The following IFT80 variants were observed in gnomAD, a reference collection of about 807,000 sequenced individuals.
IFT80 encodes intraflagellar transport 80.
A neutral mutation model predicts 107.9 loss-of-function variants in IFT80; 79 were observed. The ratio of observed to expected loss-of-function variants is 0.73; its 90% CI spans 0.61 to 0.88. The LOEUF is 0.88. IFT80 is among the 40% of genes least tolerant of loss of function. The pLI is 0.00. For missense variants in IFT80, 797 were observed against 914.2 expected, an observed-to-expected ratio of 0.87 and a Z score of 1.65; for synonymous variants, 299 against 300.9, an observed-to-expected ratio of 0.99 and a Z score of 0.07.
intron 19 of IFT80, among the ~76,000 whole-genome samples, chr3:160,262,991 A>C (rs1344211990): frequency 6.6e-6 from 1 of 152,056 alleles, no homozygotes; most frequent in Non-Finnish European, 1.5e-5. Context: ...TTTTGTGTTC[A>C]TATTTATATT....
At chr3:160,365,998 A>C (rs746623503) in intron 6 of IFT80, 45 bp downstream of exon 6, 1 of 1,416,930 alleles carries the variant, frequency 7.1e-7, no homozygotes, top group Admixed American at 1.7e-5. Flanking sequence ...CTAGTTTAGC[A>C]GTCAGGCAGA....
intron 18 of IFT80, among the ~76,000 whole-genome samples, chr3:160,271,187 T>A (rs1052569103): frequency 6.6e-6 from 1 of 152,134 alleles, no homozygotes; most frequent in Admixed American, 6.5e-5. Context: ...GGTAAAAAAA[T>A]GTTTCTTCTC....
At chr3:160,352,389 A>C (rs1386245295) in intron 8 of IFT80, among the ~76,000 whole-genome samples, 1 of 152,202 alleles carries the variant, frequency 6.6e-6, no homozygotes, top group African/African-American at 2.4e-5. Context: ...CTATTATACT[A>C]TTCTTTTTTG....
At chr3:160,303,804 T>C (rs947006608) in intron 11 of IFT80, 111 bp downstream of exon 11, 3 of 685,026 alleles carry the variant, frequency 4.4e-6, no homozygotes, top group South Asian at 3.4e-5. Flanking sequence ...TAGAAACAGA[T>C]TGGTTCTAAA....
chr3:160,383,641 C>T (rs1559972621), intron 2 of IFT80: 1 of 981,142 alleles, frequency 1.0e-6, no homozygotes. Context: ...TTTACCTATT[C>T]TTTCACAGAC....
chr3:160,390,144 A>C (rs750237548), intron 1 of IFT80, among the ~76,000 whole-genome samples: 125 of 152,244 alleles, frequency 8.2e-4, no homozygotes, highest in Non-Finnish European at 1.4e-3. Context: ...AGGGACAGGC[A>C]TGGTGGCTCA....
chr3:160,364,676 T>C (rs561181870), intron 6 of IFT80, among the ~76,000 whole-genome samples: 14 of 152,162 alleles, frequency 9.2e-5, no homozygotes, highest in African/African-American at 3.4e-4. Context: ...GCAGCCATAA[T>C]ACAGGATGAG....
intron 12 of IFT80, among the ~76,000 whole-genome samples, chr3:160,294,027 T>C (rs1026222960): frequency 1.3e-5 from 2 of 152,140 alleles, no homozygotes; most frequent in African/African-American, 2.4e-5. Context: ...TTTAATAAAA[T>C]TGTAATCATA....
intron 12 of IFT80, among the ~76,000 whole-genome samples, chr3:160,295,471 G>A (rs1265371928): frequency 6.6e-6 from 1 of 152,042 alleles, no homozygotes; most frequent in Admixed American, 6.6e-5. Flanking sequence ...TGGACATAGA[G>A]GTGCCTGCCT....
intron 8 of IFT80, among the ~76,000 whole-genome samples, chr3:160,333,149 T>C (rs948609995): frequency 6.6e-6 from 1 of 152,142 alleles, no homozygotes; most frequent in Admixed American, 6.5e-5. Context: ...AAAGGTATAA[T>C]AAAATACATC....
At chr3:160,304,435 C>CTTTTTTTT (rs869204306) in intron 10 of IFT80, among the ~76,000 whole-genome samples, 4 of 129,160 alleles carry the variant, frequency 3.1e-5, no homozygotes, top group East Asian at 2.2e-4. Flanking sequence ...TTGATTTTTT[C>CTTTTTTTT]TTTTTTTTTT....
In IFT80 at chr3:160,258,452, C is replaced by T. The variant is rs1712528629; in HGVS notation, c.*73G>A. 4.4e-6 allele frequency: 7 copies of T among 1,596,340 alleles called. No homozygotes were observed. The highest frequency in any genetic ancestry group is 4.5e-5 in the East Asian group (2 of 44,682). ...AAGATTATGCTTTTTTCTTTAGCAA[C>T]CAAAACATGCTTACCCTTGGTTAAT... On this transcript the variant is annotated 3_prime_UTR_variant, in exon 20 of 20. Transcript: ENST00000326448.
intron 8 of IFT80, among the ~76,000 whole-genome samples, chr3:160,338,515 C>T (rs1719654957): frequency 6.6e-6 from 1 of 151,934 alleles, no homozygotes; most frequent in Non-Finnish European, 1.5e-5. Flanking sequence ...GCCTGTATTC[C>T]CAGCTACTCA....
intron 1 of IFT80, chr3:160,394,426 T>C (rs1185744019): frequency 2.0e-5 from 3 of 152,218 alleles, no homozygotes; most frequent in African/African-American, 7.2e-5. Flanking sequence ...GATCGTGGGT[T>C]GGACAACCAT....
At chr3:160,287,586 G>C (rs1480369907) in intron 12 of IFT80, among the ~76,000 whole-genome samples, 5 of 152,196 alleles carry the variant, frequency 3.3e-5, no homozygotes, top group Non-Finnish European at 5.9e-5. Flanking sequence ...GTCACCCAGG[G>C]TATGAAACAC....
intron 6 of IFT80, among the ~76,000 whole-genome samples, chr3:160,358,655 T>C (rs866462224): frequency 2.0e-5 from 3 of 152,172 alleles, no homozygotes; most frequent in Admixed American, 1.3e-4. Flanking sequence ...TGCCCAGCCA[T>C]GGATTCTTAA....
chr3:160,263,346 G>A (rs1420369634), intron 19 of IFT80, among the ~76,000 whole-genome samples: 2 of 151,990 alleles, frequency 1.3e-5, no homozygotes, highest in Non-Finnish European at 2.9e-5. Flanking sequence ...CACCACGCTC[G>A]CCTCTAAGCT....
intron 1 of IFT80, among the ~76,000 whole-genome samples, chr3:160,397,442 T>C (rs1713865297): frequency 6.6e-6 from 1 of 152,228 alleles, no homozygotes; most frequent in South Asian, 2.1e-4. Context: ...TATCCCATTA[T>C]TCATCCTTAG....
At chr3:160,271,390 C>G (rs1454625493) in intron 18 of IFT80, among the ~76,000 whole-genome samples, 1 of 152,120 alleles carries the variant, frequency 6.6e-6, no homozygotes, top group South Asian at 2.1e-4. Flanking sequence ...TTTTGCATAA[C>G]TTGAATGAAG....
Sources: gnomAD v4.1 joint callset for allele counts (sites outside exome capture counted in the v4.1 genomes callset) on GRCh38, gnomAD v4.1.1 for gene constraint, MANE v1.5 for transcripts, NCBI Gene and HGNC (gene_info 2026-07-23, HGNC 2026-07-21) for gene names.